ASTN2: variants seen among roughly 807,000 people sequenced by gnomAD.
The protein encoded by ASTN2 is astrotactin 2, also known as astrotactin-2.
Under a neutral mutation model 139.8 loss-of-function variants are expected in ASTN2, and 54 were observed. The observed-to-expected ratio is 0.39, with a 90% CI of 0.31 to 0.48. The LOEUF (loss-of-function observed/expected upper bound fraction) is 0.48, where lower values mean the gene tolerates loss of function less well. Ranked by LOEUF, ASTN2 falls within the 20% of genes least tolerant of loss-of-function variation. The pLI, the probability that ASTN2 is intolerant of heterozygous loss-of-function variation, is 0.95. For missense variants in ASTN2, 1,565 were observed against 1,725.1 expected (o/e 0.91, Z 1.64); for synonymous variants, 756 against 719.5 (o/e 1.05, Z -0.81).
intron 1 of ASTN2, among the ~76,000 whole-genome samples, chr9:117,410,495 A>C (rs534583660): frequency 1.2e-4 from 19 of 152,206 alleles, no homozygotes; most frequent in African/African-American, 4.3e-4. Flanking sequence ...TAGAATCTTT[A>C]CACGAAAGGA....
At chr9:116,778,203 AC>A (rs1830132309) in intron 13 of ASTN2, among the ~76,000 whole-genome samples, 2 of 43,888 alleles carry the variant, frequency 4.6e-5, no homozygotes, top group East Asian at 6.7e-4. Context: ...CAAGAAGCAA[AC>A]ACTTATGCCA....
rs11451556 is a variant in ASTN2 at position 116,424,593 on chromosome 9, C to CT, written c.*1257dup. Among the ~76,000 whole-genome samples, 124,821 of 142,592 alleles carry CT rather than the reference C, an allele frequency of 0.88. 54,612 individuals carry two copies. The highest frequency in any genetic ancestry group is 0.91 in the Non-Finnish European group (60,031 of 65,842). 93.5% of individuals were successfully genotyped at this position (142,592 alleles called of 152,430 possible). On this transcript the variant is annotated 3_prime_UTR_variant, in exon 23 of 23. Transcript: ENST00000313400. ...CTCTTCTTCCTGGAGCAAATTCCAT[C>CT]TTTTTTTTTTTTTTTAAGTTGTCAC... is the stretch of plus-strand genomic sequence containing the variant.
chr9:117,377,153 C>T (rs993867917), intron 1 of ASTN2, among the ~76,000 whole-genome samples: 2 of 152,158 alleles, frequency 1.3e-5, no homozygotes, highest in African/African-American at 4.8e-5. Flanking sequence ...TTGAACTCCT[C>T]GGGATTTGGC....
chr9:116,847,025 AAC>A (rs1322109728), intron 11 of ASTN2, among the ~76,000 whole-genome samples: 4,557 of 118,460 alleles, frequency 0.038, 132 homozygotes, highest in East Asian at 0.11. Context: ...AAAAAAAAAA[AAC>A]AAAAAACAAA....
chr9:117,005,726 A>G (rs557070563), intron 7 of ASTN2, among the ~76,000 whole-genome samples: 7 of 150,922 alleles, frequency 4.6e-5, no homozygotes, highest in South Asian at 2.1e-4. Context: ...CCTATTCCCC[A>G]GTACATACTT....
Position 116,578,479 on chromosome 9 carries a change from A to C in ASTN2, c.3355+39845T>G, listed in dbSNP as rs1853813350. On this transcript the variant is annotated intron_variant, in intron 19 of 22. Transcript: ENST00000313400. Reference sequence around the variant, plus strand: ...AACATTTTTAATTCTTATAATAATCACTAGATATTATGAGAATTATAATCC... The same window carrying C: ...AACATTTTTAATTCTTATAATAATCCCTAGATATTATGAGAATTATAATCC... Among the ~76,000 whole-genome samples the C allele has an allele frequency of 3.9e-5, 6 of 152,052 alleles. No individual in the cohort carries two copies. In the South Asian group the frequency reaches 1.2e-3, roughly 32 times the overall value.
Position 116,837,684 on chromosome 9 carries a change from T to C in ASTN2, c.2041-16901A>G, listed in dbSNP as rs572069424. Among the ~76,000 whole-genome samples, 31 of 63,600 alleles carry C rather than the reference T, an allele frequency of 4.9e-4. No individual in the cohort carries two copies. In the South Asian group the frequency reaches 0.014, roughly 28 times the overall value. 41.7% of individuals were successfully genotyped at this position (63,600 alleles called of 152,430 possible). Reference sequence around the variant, plus strand: ...CCCCAGGTCTAGAAGGTGGGCCAGCTGTTCTGAGCAGAAGGAAAAACAACC... The same window carrying C: ...CCCCAGGTCTAGAAGGTGGGCCAGCCGTTCTGAGCAGAAGGAAAAACAACC... On this transcript the variant is annotated intron_variant, in intron 11 of 22. Transcript: ENST00000313400.
intron 13 of ASTN2, among the ~76,000 whole-genome samples, chr9:116,791,027 G>GA (rs1315262437): frequency 1.6e-5 from 2 of 123,886 alleles, no homozygotes; most frequent in African/African-American, 6.0e-5. Context: ...AAGAAAGAAA[G>GA]AAAGAAAGAA....
At chr9:117,405,095 C>A (rs1000806426) in intron 1 of ASTN2, among the ~76,000 whole-genome samples, 1 of 152,186 alleles carries the variant, frequency 6.6e-6, no homozygotes, top group East Asian at 1.9e-4. Context: ...CAGCACAGAA[C>A]AAGGTGCTCA....
At chr9:116,932,140 G>GAAT (rs1456152648) in intron 10 of ASTN2, among the ~76,000 whole-genome samples, 6 of 152,170 alleles carry the variant, frequency 3.9e-5, no homozygotes, top group African/African-American at 1.4e-4. Context: ...TAAAGCAGGG[G>GAAT]CATGACATGA....
At chr9:116,671,315 T>C (rs908853498) in intron 16 of ASTN2, among the ~76,000 whole-genome samples, 1 of 152,184 alleles carries the variant, frequency 6.6e-6, no homozygotes, top group Admixed American at 6.5e-5. Flanking sequence ...TCTTTTATAA[T>C]TTAAATTTAA....
At chr9:117,234,242 C>A (rs900888940) in intron 2 of ASTN2, among the ~76,000 whole-genome samples, 2 of 152,180 alleles carry the variant, frequency 1.3e-5, no homozygotes, top group African/African-American at 4.8e-5. Context: ...GAAAAGGGAG[C>A]CTCAGGCAGG....
At chr9:116,632,420 C>T (rs1167901436) in intron 17 of ASTN2, among the ~76,000 whole-genome samples, 2 of 150,980 alleles carry the variant, frequency 1.3e-5, no homozygotes, top group Non-Finnish European at 2.9e-5. Flanking sequence ...TATAGTGAGA[C>T]CTCATCTCTA....
At chr9:117,302,022 C>T (rs1834888011) in intron 1 of ASTN2, among the ~76,000 whole-genome samples, 1 of 145,282 alleles carries the variant, frequency 6.9e-6, no homozygotes, top group Non-Finnish European at 1.5e-5. Flanking sequence ...TGTCTGTCTT[C>T]TCGTCACTCT....
At chr9:116,866,444 C>T (rs1290661144) in intron 10 of ASTN2, among the ~76,000 whole-genome samples, 2 of 152,228 alleles carry the variant, frequency 1.3e-5, no homozygotes, top group Admixed American at 6.5e-5. Flanking sequence ...AGTGAGGTGA[C>T]AGGTTTATGG....
Position 116,885,934 on chromosome 9 carries a change from C to T in ASTN2, c.1890-22201G>A, listed in dbSNP as rs560968861. ...ACCTATTGAATGCCAGGTGTTATCA[C>T]CAGGTTTAGGTTTATGCAGGAAAAT... On this transcript the variant is annotated intron_variant, in intron 10 of 22. Coordinates refer to ENST00000313400, the MANE Select transcript of ASTN2 (RefSeq NM_001365068.1). Among the ~76,000 whole-genome samples the T allele has an allele frequency of 2.0e-5, 3 of 152,236 alleles. No homozygotes were observed. In the South Asian group the frequency reaches 6.2e-4, roughly 32 times the overall value.
intron 13 of ASTN2, among the ~76,000 whole-genome samples, chr9:116,791,921 A>G (rs1830571439): frequency 2.6e-5 from 4 of 152,142 alleles, no homozygotes; most frequent in Non-Finnish European, 5.9e-5. Flanking sequence ...GATCTTGTTG[A>G]TTTTGTTGTT....
intron 2 of ASTN2, among the ~76,000 whole-genome samples, chr9:117,230,221 G>T (rs1025870888): frequency 6.7e-6 from 1 of 149,386 alleles, no homozygotes; most frequent in African/African-American, 2.5e-5. Flanking sequence ...GTGGCTTAAA[G>T]TGTTAGATAT....
intron 16 of ASTN2, chr9:116,697,755 G>T: frequency 6.2e-7 from 1 of 1,614,054 alleles, no homozygotes; most frequent in Non-Finnish European, 8.5e-7. Context: ...GGCTGCAGCA[G>T]CAGCTTCTCA....
Sources: gnomAD v4.1 joint callset for allele counts (sites outside exome capture counted in the v4.1 genomes callset) on GRCh38, gnomAD v4.1.1 for gene constraint, MANE v1.5 for transcripts, NCBI Gene and HGNC (gene_info 2026-07-23, HGNC 2026-07-21) for gene names.